The following STMN1 variants were observed in gnomAD, a reference collection of about 807,000 sequenced individuals.
STMN1 encodes stathmin.
In STMN1, 3 loss-of-function variants were observed where a neutral mutation model predicts 19.7. The ratio of observed to expected loss-of-function variants is 0.15; its 90% CI spans 0.07 to 0.39. STMN1 has a LOEUF of 0.39. Among genes scored for constraint, STMN1 ranks in the 10% least tolerant of loss-of-function variants. The probability of loss-of-function intolerance (pLI) is 1.00; values close to 1 mark genes in which losing one functional copy is unlikely to be tolerated. For missense variants in STMN1, 99 were observed against 176.0 expected, an observed-to-expected ratio of 0.56 and a Z score of 2.48; for synonymous variants, 59 against 58.9, an observed-to-expected ratio of 1.00 and a Z score of -0.01.
Position 25,900,728 on chromosome 1 carries a change from G to GT in STMN1, c.*287dup, listed in dbSNP as rs2048862328. Reference sequence around the variant, plus strand: ...AATATGTTTTCACAGAGCCAATACAGTACTAGCCATTAACCCAGTACACCA... The same window carrying GT: ...AATATGTTTTCACAGAGCCAATACAGTTACTAGCCATTAACCCAGTACACCA... On this transcript the variant is annotated 3_prime_UTR_variant, in exon 5 of 5. Transcript: ENST00000455785. The GT allele has an allele frequency of 8.2e-7, 1 of 1,212,278 alleles. No individual in the cohort carries two copies. Among genetic ancestry groups the GT allele is most frequent in the African/African-American group, 1.6e-5 (1 of 64,030 alleles). 75.1% of individuals were successfully genotyped at this position (1,212,278 alleles called of 1,614,324 possible). A position where few individuals can be genotyped will look rare whatever the true frequency, so the allele number is the denominator to read the frequency against.
intron 1 of STMN1, 133 bp from the exon 2 acceptor site, chr1:25,904,871 C>A (rs1307151474): frequency 6.0e-6 from 3 of 499,362 alleles, no homozygotes; most frequent in African/African-American, 2.1e-5. Context: ...AAATTAACCA[C>A]GAAAAAAATT....
chr1:25,899,918 A>G (rs541971714), downstream of STMN1, among the ~76,000 whole-genome samples: 159 of 152,300 alleles, frequency 1.0e-3, 2 homozygotes, highest in Non-Finnish European at 9.1e-4. Flanking sequence ...TGAGAGGCAC[A>G]AAATATGTAT....
At chr1:25,904,149 CA>C (rs910910392) in intron 2 of STMN1, among the ~76,000 whole-genome samples, 5 of 151,756 alleles carry the variant, frequency 3.3e-5, no homozygotes, top group Non-Finnish European at 7.4e-5. Context: ...CCCATCTCTA[CA>C]AAAAAAATTT....
intron 4 of STMN1, among the ~76,000 whole-genome samples, chr1:25,891,228 G>A (rs1044709471): frequency 6.6e-6 from 1 of 151,982 alleles, no homozygotes; most frequent in African/African-American, 2.4e-5. Context: ...AGCTGCAGGA[G>A]GCTAAGGCAG....
intron 2 of STMN1, among the ~76,000 whole-genome samples, chr1:25,904,254 G>A (rs1045142105): frequency 3.9e-5 from 6 of 152,062 alleles, no homozygotes; most frequent in African/African-American, 1.4e-4. Flanking sequence ...TTGAGCTCCA[G>A]AAGTCAAGGC....
downstream of STMN1, among the ~76,000 whole-genome samples, chr1:25,895,732 TG>T (rs1241890135): frequency 6.6e-6 from 1 of 152,220 alleles, no homozygotes; most frequent in Non-Finnish European, 1.5e-5. Flanking sequence ...AAACACAGCA[TG>T]GGCTGAATGC....
rs2048859296 is a variant in STMN1 at position 25,900,486 on chromosome 1, G to A, written c.*530C>T. 1 of 985,790 alleles carries A rather than the reference G, an allele frequency of 1.0e-6. No homozygotes were observed. The highest frequency in any genetic ancestry group is 1.2e-6 in the Non-Finnish European group (1 of 830,014). The allele number at this position is 985,790 out of a possible 1,614,324, so 61.1% of individuals were successfully genotyped here. A position where few individuals can be genotyped will look rare whatever the true frequency, so the allele number is the denominator to read the frequency against. ...GTTGGGTATTTCTACCAGCCCCAAA[G>A]GCCCCATCTGGAACAAGTATCAACC... On this transcript the variant is annotated 3_prime_UTR_variant, in exon 5 of 5. Transcript: ENST00000455785.
At chr1:25,887,580 TGGAAGAAAA>T (rs1182458932) in intron 4 of STMN1, 2 of 243,330 alleles carry the variant, frequency 8.2e-6, no homozygotes, top group African/African-American at 4.6e-5. Flanking sequence ...AGTAGAGGTA[TGGAAGAAAA>T]GGAAGAAAAT....
At chr1:25,902,770 CTA>C (rs2048890325) in intron 3 of STMN1, 1 of 152,258 alleles carries the variant, frequency 6.6e-6, no homozygotes, top group South Asian at 2.1e-4. Flanking sequence ...TGAACTCACA[CTA>C]TTGCATAGAA....
At chr1:25,886,577 C>T (rs2048722510) in intron 4 of STMN1, among the ~76,000 whole-genome samples, 1 of 134,496 alleles carries the variant, frequency 7.4e-6, no homozygotes, top group African/African-American at 2.8e-5. Flanking sequence ...ACACCCCCAC[C>T]ACTTTTTTTT....
At chr1:25,887,589 A>G (rs1312350665) in intron 4 of STMN1, 5 of 237,772 alleles carry the variant, frequency 2.1e-5, no homozygotes, top group Admixed American at 1.2e-4. Context: ...ATGGAAGAAA[A>G]GGAAGAAAAT....
chr1:25,889,911 T>C (rs1385707945), intron 4 of STMN1, among the ~76,000 whole-genome samples: 1 of 152,230 alleles, frequency 6.6e-6, no homozygotes. Context: ...GCCTTGGCAC[T>C]AGCAGTTCCC....
At chr1:25,887,280 G>C (rs2048730290) in intron 4 of STMN1, 1 of 159,766 alleles carries the variant, frequency 6.3e-6, no homozygotes, top group South Asian at 1.7e-4. Context: ...GAAGTGGTTT[G>C]TTAAACAATG....
intron 4 of STMN1, among the ~76,000 whole-genome samples, chr1:25,887,869 T>C (rs960284588): frequency 2.0e-5 from 3 of 152,222 alleles, no homozygotes; most frequent in African/African-American, 7.2e-5. Context: ...GTATTTTTAA[T>C]AGAGACGGGG....
At chr1:25,895,265 G>T (rs159520), downstream of STMN1, among the ~76,000 whole-genome samples, 3,587 of 152,068 alleles carry the variant, frequency 0.024, 125 homozygotes, top group African/African-American at 0.079. Flanking sequence ...ACCACGCCCG[G>T]CTAATCTTGT....
intron 4 of STMN1, among the ~76,000 whole-genome samples, chr1:25,886,832 T>C (rs1474186983): frequency 6.6e-6 from 1 of 152,036 alleles, no homozygotes; most frequent in Non-Finnish European, 1.5e-5. Context: ...GTGATCTGCC[T>C]GCCTCGGTCT....
chr1:25,905,627 C>A (rs1572309271), intron 1 of STMN1: 1 of 152,256 alleles, frequency 6.6e-6, no homozygotes, highest in East Asian at 1.9e-4. Context: ...AGCCCGCGCG[C>A]GTGGGAAGGG....
At chr1:25,904,444 C>A (rs1202474739) in intron 2 of STMN1, among the ~76,000 whole-genome samples, 1 of 152,196 alleles carries the variant, frequency 6.6e-6, no homozygotes, top group Admixed American at 6.5e-5. Flanking sequence ...CTTGTGCAAA[C>A]TCCACAATTT....
chr1:25,900,068 A>G, downstream of STMN1: 1 of 985,432 alleles, frequency 1.0e-6, no homozygotes, highest in Non-Finnish European at 1.2e-6. Flanking sequence ...CCCGAGTCAA[A>G]TGCTACTTTA....
Sources: allele counts gnomAD v4.1 joint callset (sites outside exome capture counted in the v4.1 genomes callset), GRCh38; gene constraint gnomAD v4.1.1; transcripts MANE v1.5; gene names NCBI Gene and HGNC (gene_info 2026-07-23, HGNC 2026-07-21).